Variants in KIF19 observed in about 807,000 individuals in gnomAD.
KIF19 encodes kinesin family member 19.
Under a neutral mutation model 106.6 loss-of-function variants are expected in KIF19, and 98 were observed. That is an observed-to-expected ratio of 0.92 (90% CI 0.78 to 1.09). The LOEUF (loss-of-function observed/expected upper bound fraction) is 1.09. Ranked by LOEUF, KIF19 falls within the 50% of genes least tolerant of loss-of-function variation. The probability of loss-of-function intolerance (pLI) is 0.00; values close to 1 mark genes in which losing one functional copy is unlikely to be tolerated. For missense variants in KIF19, 1,373 were observed against 1,414.3 expected (o/e 0.97, Z 0.47); for synonymous variants, 516 against 584.2 (o/e 0.88, Z 1.68).
chr17:74,348,912 G>A (rs1450802436), intron 9 of KIF19: 6 of 491,256 alleles, frequency 1.2e-5, no homozygotes, highest in African/African-American at 4.0e-5. Context: ...ATGCAGGAGC[G>A]GTGAGCCCAG....
chr17:74,344,802 G>C lies in KIF19; in HGVS notation c.624G>C (p.Gln208His), dbSNP rs1485471249. Residue 208 changes from glutamine (Q) to histidine (H), a missense_variant, in exon 7 of 20, where the codon CAG becomes CAC. Transcript: ENST00000389916. ...TGAAGGGGAACCGGCAGAGGACCCA[G>C]GAGCCCACGGCCGCCAACCAGACGT... ...LLMKGNRQRT[Q>H]EPTAANQTSS... 1 of 1,611,562 alleles carries C rather than the reference G, an allele frequency of 6.2e-7. No homozygotes were observed.
At chr17:74,334,663 C>A (rs115136977) in intron 2 of KIF19, among the ~76,000 whole-genome samples, 1 of 152,176 alleles carries the variant, frequency 6.6e-6, no homozygotes, top group Admixed American at 6.5e-5. Flanking sequence ...CTGGGATCAA[C>A]GTTGCCTTTA....
intron 12 of KIF19, 41 bp from the exon 13 acceptor site, chr17:74,351,826 C>T (rs932268680): frequency 5.8e-6 from 8 of 1,370,126 alleles, no homozygotes; most frequent in Admixed American, 3.9e-5. Flanking sequence ...CGGATCGGAC[C>T]CCTCTCCCCG....
In KIF19 at chr17:74,351,929, GC is replaced by G; in HGVS notation, c.1652del (p.Pro551ArgfsTer124). ...GGGGCCGGCGCCTGGAGGAGACGCT[GC>G]CGCGGCGCATCGGCTCCGAGGAGCA... is the stretch of plus-strand genomic sequence containing the variant. The part of the protein sequence containing the change: ...ARGRRLEETL[P>X]RRIGSEEQRE... On this transcript the variant is annotated frameshift_variant, in exon 13 of 20. Transcript: ENST00000389916. LOFTEE classifies it high-confidence loss of function. The G allele has an allele frequency of 6.9e-7, 1 of 1,453,012 alleles. No homozygotes were observed. The highest frequency in any genetic ancestry group is 9.0e-7 in the Non-Finnish European group (1 of 1,109,722). 90.0% of individuals were successfully genotyped at this position (1,453,012 alleles called of 1,614,324 possible).
rs1448403748 is a variant in KIF19, at chr17:74,355,318, C to G, written c.*6C>G. On this transcript the variant is annotated 3_prime_UTR_variant, in exon 20 of 20. Coordinates refer to ENST00000389916, the MANE Select transcript of KIF19 (RefSeq NM_153209.4). ...GATGCTCCCGGCATAACTGAGGGGC[C>G]CTGCCTGGAACTGGCTCTCTCACCT... The G allele has an allele frequency of 6.2e-7, 1 of 1,602,624 alleles. No individual in the cohort carries two copies. The highest frequency in any genetic ancestry group is 1.3e-5 in the African/African-American group (1 of 74,766).
chr17:74,349,016 G>C, intron 9 of KIF19, 168 bp from the exon 10 acceptor site: 1 of 656,822 alleles, frequency 1.5e-6, no homozygotes, highest in Non-Finnish European at 2.6e-6. Flanking sequence ...AGGTTGATGA[G>C]ATCTAGCAGT....
chr17:74,347,657 G>T, intron 8 of KIF19, 120 bp from the exon 9 acceptor site: 1 of 1,161,314 alleles, frequency 8.6e-7, no homozygotes, highest in Non-Finnish European at 1.2e-6. Context: ...TCAGCAGCCG[G>T]GTCCCTTAAG....
chr17:74,344,719 T>C, intron 6 of KIF19, 42 bp from the exon 7 acceptor site: 2 of 1,577,464 alleles, frequency 1.3e-6, no homozygotes, highest in Non-Finnish European at 8.7e-7. Context: ...CCGGAGCACC[T>C]ACGGCAGTCG....
intron 2 of KIF19, among the ~76,000 whole-genome samples, chr17:74,339,774 G>A (rs574087497): frequency 1.4e-4 from 22 of 152,348 alleles, no homozygotes; most frequent in African/African-American, 4.1e-4. Context: ...GCATTTAGAG[G>A]CGCCAGCTGC....
intron 2 of KIF19, among the ~76,000 whole-genome samples, chr17:74,341,343 CTGTA>C (rs1567906285): frequency 6.6e-6 from 1 of 152,150 alleles, no homozygotes; most frequent in Non-Finnish European, 1.5e-5. Context: ...ATAAAAGAGA[CTGTA>C]TGTGTGGGTG....
chr17:74,350,258 G>T, intron 10 of KIF19, 143 bp from the exon 11 acceptor site: 1 of 723,736 alleles, frequency 1.4e-6, no homozygotes. Flanking sequence ...AGTAATCTAG[G>T]GGGTCTTCCT....
intron 2 of KIF19, among the ~76,000 whole-genome samples, chr17:74,341,365 C>T (rs1292240476): frequency 2.6e-5 from 4 of 152,198 alleles, no homozygotes; most frequent in East Asian, 1.9e-4. Context: ...GTGCTTGCAA[C>T]AGGTCCTGAC....
chr17:74,342,328 A>G (rs1411029037), intron 3 of KIF19, among the ~76,000 whole-genome samples: 3 of 152,052 alleles, frequency 2.0e-5, no homozygotes, highest in South Asian at 2.1e-4. Flanking sequence ...CTCCTCGAGG[A>G]CCCCCATCTC....
At chr17:74,332,639 A>G (rs2144205807) in intron 2 of KIF19, among the ~76,000 whole-genome samples, 1 of 152,278 alleles carries the variant, frequency 6.6e-6, no homozygotes, top group Non-Finnish European at 1.5e-5. Flanking sequence ...CACCAGGCCT[A>G]GCTGTGGGGC....
chr17:74,333,480 A>G (rs898652450), intron 2 of KIF19, among the ~76,000 whole-genome samples: 2 of 149,632 alleles, frequency 1.3e-5, no homozygotes, highest in African/African-American at 5.0e-5. Flanking sequence ...CTTCTGTCTC[A>G]GTCTCCCAAG....
At position 74,348,718 on chromosome 17, in the gene KIF19, G is replaced by T. The variant is rs58544831; in HGVS notation, c.1048-466G>T. On this transcript the variant is annotated intron_variant, in intron 9 of 19. Transcript: ENST00000389916. ...TGCTGGGGCAAGACAGGAACAGGAG[G>T]TGGGGGTGGCCTGGTGGGGTCCAGT... 1.0e-3 allele frequency: 181 copies of T among 175,862 alleles called. 1 individual carries two copies. The highest frequency in any genetic ancestry group is 4.0e-3 in the African/African-American group (169 of 41,868). 10.9% of individuals were successfully genotyped at this position (175,862 alleles called of 1,614,324 possible). A position where few individuals can be genotyped will look rare whatever the true frequency, so the allele number is the denominator to read the frequency against.
At position 74,328,439 on chromosome 17, in the gene KIF19, C is replaced by A; in HGVS notation, c.54C>A (p.Val18=). The A allele has an allele frequency of 6.2e-7, 1 of 1,609,852 alleles. No homozygotes were observed. The highest frequency in any genetic ancestry group is 8.5e-7 in the Non-Finnish European group (1 of 1,178,602). The change falls in exon 2 of 20, where the codon GTC becomes GTA. Residue 18 remains valine, a synonymous_variant. Coordinates refer to ENST00000389916, the MANE Select transcript of KIF19 (RefSeq NM_153209.4). ...KDQQLMVALR[V]RPISVAELEE... is the part of the protein sequence containing the mutation. ...TTCCCTCCCAGGTGGCGCTTCGGGT[C>A]CGGCCCATCAGCGTGGCAGAGCTGG...
intron 17 of KIF19, 135 bp from the exon 18 acceptor site, chr17:74,354,027 T>C (rs937723538): frequency 2.1e-5 from 21 of 1,004,726 alleles, no homozygotes; most frequent in Non-Finnish European, 2.6e-5. Context: ...CCCAAGTTTC[T>C]TACATAGCAA....
At chr17:74,329,907 C>A (rs1305330033) in intron 2 of KIF19, among the ~76,000 whole-genome samples, 2 of 152,142 alleles carry the variant, frequency 1.3e-5, no homozygotes, top group Non-Finnish European at 2.9e-5. Flanking sequence ...GGGCTCAGGT[C>A]CCACGGGCTG....
Sources: allele counts gnomAD v4.1 joint callset (sites outside exome capture counted in the v4.1 genomes callset), GRCh38; gene constraint gnomAD v4.1.1; transcripts MANE v1.5; gene names NCBI Gene and HGNC (gene_info 2026-07-23, HGNC 2026-07-21).